Variants in TMEM163 observed in about 807,000 individuals in gnomAD.
The protein encoded by TMEM163 is transmembrane protein 163.
A neutral mutation model predicts 29.3 loss-of-function variants in TMEM163; 17 were observed. The observed-to-expected ratio is 0.58, with a 90% CI of 0.40 to 0.87. The LOEUF (loss-of-function observed/expected upper bound fraction) is 0.87. TMEM163 is among the 40% of genes least tolerant of loss of function. The probability of loss-of-function intolerance (pLI) is 0.00; values close to 1 mark genes in which losing one functional copy is unlikely to be tolerated. For synonymous variants in TMEM163, 157 were observed against 160.6 expected, an observed-to-expected ratio of 0.98 and a Z score of 0.17; for missense variants, 303 against 381.5, an observed-to-expected ratio of 0.79 and a Z score of 1.71.
intron 2 of TMEM163, among the ~76,000 whole-genome samples, chr2:134,685,807 G>A (rs1210264985): frequency 6.6e-6 from 1 of 152,196 alleles, no homozygotes; most frequent in African/African-American, 2.4e-5. Flanking sequence ...TCTTGGGTAT[G>A]ATTACACTCT....
At chr2:134,569,719 C>A (rs1022546106) in intron 2 of TMEM163, among the ~76,000 whole-genome samples, 2 of 152,148 alleles carry the variant, frequency 1.3e-5, no homozygotes, top group Non-Finnish European at 1.5e-5. Context: ...AGCCATGTAG[C>A]CTTTTCCTGG....
At chr2:134,679,684 A>G (rs1558989359) in intron 2 of TMEM163, among the ~76,000 whole-genome samples, 1 of 152,196 alleles carries the variant, frequency 6.6e-6, no homozygotes, top group Non-Finnish European at 1.5e-5. Context: ...TAAGATAGGG[A>G]TAACTAAACC....
chr2:134,586,091 A>G (rs1304178731), intron 2 of TMEM163, among the ~76,000 whole-genome samples: 1 of 152,226 alleles, frequency 6.6e-6, no homozygotes, highest in Non-Finnish European at 1.5e-5. Context: ...GATGTTTTAC[A>G]GTTGAGTCAA....
intron 5 of TMEM163, among the ~76,000 whole-genome samples, chr2:134,473,580 TA>T (rs1487528448): frequency 6.8e-6 from 1 of 147,044 alleles, no homozygotes; most frequent in African/African-American, 2.5e-5. Flanking sequence ...AGAAAATGAA[TA>T]AACAGTAGAG....
rs914084363 is a variant in TMEM163 at position 134,594,580 on chromosome 2, C to T, written c.323-42489G>A. 3.3e-5 allele frequency among the ~76,000 whole-genome samples: 5 copies of T among 152,248 alleles called. No homozygotes were observed. The South Asian group carries it at 1.0e-3, about 31-fold the overall frequency. On this transcript the variant is annotated intron_variant, in intron 2 of 7. Coordinates refer to ENST00000281924, the MANE Select transcript of TMEM163 (RefSeq NM_030923.5). ...AAGACATATGTGGCACAAAAAGCGA[C>T]TCTCCAGTTCCCTGAGAGCCCAGGA...
At chr2:134,495,456 T>C (rs1679529811) in intron 5 of TMEM163, among the ~76,000 whole-genome samples, 1 of 152,146 alleles carries the variant, frequency 6.6e-6, no homozygotes, top group Non-Finnish European at 1.5e-5. Flanking sequence ...AGTGAGATAA[T>C]AAATGGCTGA....
intron 4 of TMEM163, among the ~76,000 whole-genome samples, chr2:134,524,518 C>T (rs978755583): frequency 1.3e-5 from 2 of 149,724 alleles, no homozygotes; most frequent in African/African-American, 4.9e-5. Context: ...ATCCTGATGC[C>T]CTCCCCCTTT....
At chr2:134,512,378 G>A (rs1368857201) in intron 4 of TMEM163, among the ~76,000 whole-genome samples, 1 of 152,174 alleles carries the variant, frequency 6.6e-6, no homozygotes, top group South Asian at 2.1e-4. Context: ...AGAATCGCTC[G>A]AGCCTGGGAG....
chr2:134,541,148 C>T (rs766133556), intron 4 of TMEM163, among the ~76,000 whole-genome samples: 2 of 152,228 alleles, frequency 1.3e-5, no homozygotes, highest in Non-Finnish European at 2.9e-5. Context: ...CTAGGTTCCA[C>T]AGTCTGGGAA....
In TMEM163 at chr2:134,548,714, A is replaced by G. The variant is rs373341168; in HGVS notation, c.458+1856T>C. On this transcript the variant is annotated intron_variant, in intron 4 of 7. Coordinates refer to ENST00000281924, the MANE Select transcript of TMEM163 (RefSeq NM_030923.5). ...GATTTTGGGATGGCTGCATATACATAATGAGATATATTGGGGATGGAACCC... is the reference window on the plus strand; with the variant it reads ...GATTTTGGGATGGCTGCATATACATGATGAGATATATTGGGGATGGAACCC... Among the ~76,000 whole-genome samples the G allele has an allele frequency of 2.0e-4, 30 of 152,320 alleles. 1 individual carries two copies. The highest frequency in any genetic ancestry group is 6.5e-4 in the African/African-American group (27 of 41,570).
Position 134,597,108 on chromosome 2 carries a change from T to C in TMEM163, c.323-45017A>G, listed in dbSNP as rs549025954. ...TTCCTAATTGAATACCCTTTATTTC[T>C]TTCTCCTGCCTGATTGCCCTGGCCA... On this transcript the variant is annotated intron_variant, in intron 2 of 7. Coordinates refer to ENST00000281924, the MANE Select transcript of TMEM163 (RefSeq NM_030923.5). 7.8e-4 allele frequency among the ~76,000 whole-genome samples: 119 copies of C among 151,752 alleles called. 1 individual carries two copies. The highest frequency in any genetic ancestry group is 2.7e-3 in the African/African-American group (113 of 41,126).
chr2:134,589,803 C>A (rs1173050955), intron 2 of TMEM163, among the ~76,000 whole-genome samples: 4 of 152,160 alleles, frequency 2.6e-5, no homozygotes, highest in Admixed American at 6.5e-5. Flanking sequence ...GCCCTGAATT[C>A]TTTTCTTGCA....
chr2:134,462,243 C>G lies in TMEM163; in HGVS notation c.667+3871G>C, dbSNP rs147471347. Among the ~76,000 whole-genome samples the G allele has an allele frequency of 1.1e-3, 164 of 152,188 alleles. 3 individuals are homozygous for G. The South Asian group carries it at 0.018, about 17-fold the overall frequency. ...TACCTACCCTACCACTTCCCATACC[C>G]TCTCCTTCACCCTATCCGAGCTGCC... On this transcript the variant is annotated intron_variant, in intron 6 of 7. Transcript: ENST00000281924.
intron 6 of TMEM163, among the ~76,000 whole-genome samples, chr2:134,465,675 G>A (rs779985205): frequency 1.3e-5 from 2 of 152,218 alleles, no homozygotes; most frequent in Non-Finnish European, 2.9e-5. Flanking sequence ...CAGACACCTG[G>A]TAACTGCAAC....
intron 2 of TMEM163, among the ~76,000 whole-genome samples, chr2:134,576,348 A>G (rs573248787): frequency 8.5e-5 from 13 of 152,316 alleles, no homozygotes; most frequent in African/African-American, 3.1e-4. Flanking sequence ...CAGAAAAATA[A>G]AAATGCCACA....
intron 4 of TMEM163, among the ~76,000 whole-genome samples, chr2:134,518,144 C>T (rs1269782718): frequency 6.6e-6 from 1 of 152,146 alleles, no homozygotes. Context: ...GTCTTCTAAA[C>T]AGAGCAATGA....
intron 2 of TMEM163, among the ~76,000 whole-genome samples, chr2:134,552,517 C>G (rs1408195590): frequency 6.6e-6 from 1 of 151,994 alleles, no homozygotes; most frequent in East Asian, 1.9e-4. Flanking sequence ...TCTGTGGGCA[C>G]CAGAGTTTAA....
At chr2:134,498,380 C>A (rs1301969011) in intron 5 of TMEM163, among the ~76,000 whole-genome samples, 2 of 121,562 alleles carry the variant, frequency 1.6e-5, no homozygotes, top group Non-Finnish European at 1.6e-5. Context: ...TTTTTTGAGA[C>A]GGAGTCTTGC....
At chr2:134,650,817 G>C (rs1457255774) in intron 2 of TMEM163, among the ~76,000 whole-genome samples, 3 of 134,298 alleles carry the variant, frequency 2.2e-5, no homozygotes, top group African/African-American at 9.8e-5. Flanking sequence ...TCTTGTGATA[G>C]TTTACTGAGA....
Sources: allele counts gnomAD v4.1 joint callset (sites outside exome capture counted in the v4.1 genomes callset), GRCh38; gene constraint gnomAD v4.1.1; transcripts MANE v1.5; gene names NCBI Gene and HGNC (gene_info 2026-07-23, HGNC 2026-07-21).